Variants in TGFBR3 observed in about 807,000 individuals in gnomAD.
The protein encoded by TGFBR3 is transforming growth factor beta receptor type 3.
Under a neutral mutation model 87.9 loss-of-function variants are expected in TGFBR3, and 46 were observed. That is an observed-to-expected ratio of 0.52 (90% CI 0.41 to 0.67). The LOEUF is 0.67. Among genes scored for constraint, TGFBR3 ranks in the 30% least tolerant of loss-of-function variants. The pLI, the probability that TGFBR3 is intolerant of heterozygous loss-of-function variation, is 0.00. For synonymous variants in TGFBR3, 381 were observed against 391.6 expected, an observed-to-expected ratio of 0.97 and a Z score of 0.32; for missense variants, 866 against 1,041.9, an observed-to-expected ratio of 0.83 and a Z score of 2.32.
In TGFBR3 at chr1:91,716,512, A is replaced by T. The variant is rs923836579; in HGVS notation, c.1707+56T>A. 10 of 1,614,128 alleles carry T rather than the reference A, an allele frequency of 6.2e-6. No homozygotes were observed. In the Admixed American group the frequency reaches 1.7e-4, roughly 27 times the overall value. On this transcript the variant is annotated intron_variant, in intron 11 of 16. Coordinates refer to ENST00000212355, the MANE Select transcript of TGFBR3 (RefSeq NM_003243.5). ...TTATTTTCAGATAGTCCCTAACTAAAGCCAACAAAATAGACAGCATTTTCC... is the reference window on the plus strand; with the variant it reads ...TTATTTTCAGATAGTCCCTAACTAATGCCAACAAAATAGACAGCATTTTCC...
intron 2 of TGFBR3, among the ~76,000 whole-genome samples, chr1:91,816,276 C>T (rs74496297): frequency 0.022 from 3,360 of 152,288 alleles, 58 homozygotes; most frequent in Non-Finnish European, 0.036. Context: ...AGGCTGAATT[C>T]CTATCAGAAA....
Position 91,900,421 on chromosome 1 carries a change from A to G in TGFBR3, c.-174-724T>C, listed in dbSNP as rs927041143. On this transcript the variant is annotated intron_variant, in intron 1 of 17. Transcript: ENST00000370399. Reference sequence around the variant, plus strand: ...GAATCACCACGCCCAGCCAAACTTAATTATTTAAATCTAAGTTGTTAGCTG... The same window carrying G: ...GAATCACCACGCCCAGCCAAACTTAGTTATTTAAATCTAAGTTGTTAGCTG... Among the ~76,000 whole-genome samples the G allele has an allele frequency of 6.6e-5, 10 of 152,316 alleles. 1 individual carries two copies. The South Asian group carries it at 2.1e-3, about 32-fold the overall frequency.
At chr1:91,735,146 C>CAAA (rs1224407655) in intron 4 of TGFBR3, among the ~76,000 whole-genome samples, 187 bp from the exon 5 acceptor site, 1 of 152,216 alleles carries the variant, frequency 6.6e-6, no homozygotes, top group Non-Finnish European at 1.5e-5. Flanking sequence ...CAGACAAAGG[C>CAAA]AAAACTACCA....
At chr1:91,892,058 C>T (rs1679462813) in intron 2 of TGFBR3, among the ~76,000 whole-genome samples, 1 of 152,166 alleles carries the variant, frequency 6.6e-6, no homozygotes, top group Middle Eastern at 3.2e-3. Context: ...ACATAAAAAT[C>T]CAAAGCAAAT....
chr1:91,705,851 T>C (rs908043650), intron 14 of TGFBR3, among the ~76,000 whole-genome samples: 1 of 152,206 alleles, frequency 6.6e-6, no homozygotes, highest in Non-Finnish European at 1.5e-5. Context: ...TAAAATTGCT[T>C]TGATATTTGG....
intron 16 of TGFBR3, among the ~76,000 whole-genome samples, chr1:91,688,612 C>A (rs563957012): frequency 1.6e-3 from 250 of 152,226 alleles, no homozygotes; most frequent in African/African-American, 5.8e-3. Flanking sequence ...AAAATCTAAG[C>A]GTGTAAGGAA....
intron 4 of TGFBR3, among the ~76,000 whole-genome samples, chr1:91,756,684 A>G (rs1401943870): frequency 6.6e-6 from 1 of 152,208 alleles, no homozygotes; most frequent in African/African-American, 2.4e-5. Context: ...AGAAAAGGCT[A>G]CAATAAAGTT....
chr1:91,831,165 C>G (rs945273970), intron 2 of TGFBR3, among the ~76,000 whole-genome samples: 3 of 152,090 alleles, frequency 2.0e-5, no homozygotes, highest in Admixed American at 6.6e-5. Flanking sequence ...AATAGTTTGT[C>G]TTTTACTCTG....
intron 2 of TGFBR3, among the ~76,000 whole-genome samples, chr1:91,820,865 T>C (rs1033308000): frequency 6.6e-6 from 1 of 152,192 alleles, no homozygotes; most frequent in Non-Finnish European, 1.5e-5. Flanking sequence ...TCCATATGCA[T>C]GCACATACAT....
intron 2 of TGFBR3, among the ~76,000 whole-genome samples, chr1:91,858,800 A>G (rs1212481275): frequency 2.6e-5 from 4 of 151,974 alleles, no homozygotes; most frequent in Non-Finnish European, 5.9e-5. Context: ...TCACACCTGT[A>G]ATCCCAGCGT....
At chr1:91,873,949 CAAAA>C (rs769246405) in intron 1 of TGFBR3, among the ~76,000 whole-genome samples, 1 of 104,992 alleles carries the variant, frequency 9.5e-6, no homozygotes. Context: ...GACCCTGCCA[CAAAA>C]AAAAAAAAAA....
intron 2 of TGFBR3, among the ~76,000 whole-genome samples, chr1:91,836,647 T>C (rs1677079600): frequency 6.6e-6 from 1 of 152,036 alleles, no homozygotes; most frequent in African/African-American, 2.4e-5. Flanking sequence ...TTTTTATATA[T>C]AATTATATAT....
At chr1:91,787,233 G>A (rs1284210619) in intron 3 of TGFBR3, among the ~76,000 whole-genome samples, 2 of 152,090 alleles carry the variant, frequency 1.3e-5, no homozygotes, top group South Asian at 2.1e-4. Context: ...CCCAGGAGGC[G>A]GAGGTTGCAG....
chr1:91,890,645 C>T (rs1679425285), upstream of TGFBR3, among the ~76,000 whole-genome samples: 1 of 151,734 alleles, frequency 6.6e-6, no homozygotes, highest in Non-Finnish European at 1.5e-5. Context: ...GTCTCAAACT[C>T]CTGACCTCGT....
intron 1 of TGFBR3, among the ~76,000 whole-genome samples, chr1:91,904,809 G>C (rs1167714967): frequency 6.6e-6 from 1 of 151,796 alleles, no homozygotes; most frequent in Non-Finnish European, 1.5e-5. Flanking sequence ...CAGGTGATCC[G>C]CCCACCTCGG....
rs1193459853 is a variant in TGFBR3 at position 91,681,514 on chromosome 1, A to G, written c.*2225T>C. The G allele has an allele frequency of 8.7e-6, 3 of 345,574 alleles. No individual in the cohort carries two copies. Among genetic ancestry groups the G allele is most frequent in the Admixed American group, 8.6e-5 (2 of 23,184 alleles). The allele number at this position is 345,574 out of a possible 1,614,324, so 21.4% of individuals were successfully genotyped here. A position where few individuals can be genotyped will look rare whatever the true frequency, so the allele number is the denominator to read the frequency against. ...CTCTCTTAAAAATATATATTTAAATATATTACAGAAGGTTTTAACCCTGTC... is the reference window on the plus strand; with the variant it reads ...CTCTCTTAAAAATATATATTTAAATGTATTACAGAAGGTTTTAACCCTGTC... On this transcript the variant is annotated 3_prime_UTR_variant, in exon 17 of 17. Transcript: ENST00000212355.
chr1:91,841,777 G>C (rs1413834445), intron 2 of TGFBR3, among the ~76,000 whole-genome samples: 6 of 131,366 alleles, frequency 4.6e-5, no homozygotes, highest in African/African-American at 1.7e-4. Flanking sequence ...CTGGGCAACA[G>C]AGCAAGACTC....
rs1557652146 is a variant in TGFBR3 at position 91,681,309 on chromosome 1, T to C, written c.*2430A>G. On this transcript the variant is annotated 3_prime_UTR_variant, in exon 17 of 17. Coordinates refer to ENST00000212355, the MANE Select transcript of TGFBR3 (RefSeq NM_003243.5). ...ACTTAACGACATTCACTCTCCAATA[T>C]GAGATTAGGTTTTATCGACACAGAT... 6.7e-6 allele frequency: 3 copies of C among 445,772 alleles called. No individual in the cohort carries two copies. Among genetic ancestry groups the C allele is most frequent in the African/African-American group, 2.0e-5 (1 of 49,578 alleles). The allele number at this position is 445,772 out of a possible 1,614,324, so 27.6% of individuals were successfully genotyped here.
chr1:91,855,941 C>T (rs767312850), intron 2 of TGFBR3, among the ~76,000 whole-genome samples: 1 of 151,434 alleles, frequency 6.6e-6, no homozygotes, highest in Non-Finnish European at 1.5e-5. Context: ...ATCACCTAAG[C>T]TAATTTCTAA....
Sources: gnomAD v4.1 joint callset for allele counts (sites outside exome capture counted in the v4.1 genomes callset) on GRCh38, gnomAD v4.1.1 for gene constraint, MANE v1.5 for transcripts, NCBI Gene and HGNC (gene_info 2026-07-23, HGNC 2026-07-21) for gene names.